The following KIAA1217 variants were observed in gnomAD, a reference collection of about 807,000 sequenced individuals.
KIAA1217 encodes the protein sickle tail protein homolog.
KIAA1217 carries 88 observed loss-of-function variants against 163.9 expected under a neutral mutation model. The observed-to-expected ratio is 0.54, with a 90% CI of 0.45 to 0.64. The LOEUF (loss-of-function observed/expected upper bound fraction) is 0.64, where lower values mean the gene tolerates loss of function less well. Ranked by LOEUF, KIAA1217 falls within the 30% of genes least tolerant of loss-of-function variation. The pLI, the probability that KIAA1217 is intolerant of heterozygous loss-of-function variation, is 0.00. For synonymous variants in KIAA1217, 903 were observed against 923.1 expected (o/e 0.98, Z 0.39); for missense variants, 2,372 against 2,475.0 (o/e 0.96, Z 0.88).
chr10:24,484,737 T>C (rs930825248), intron 6 of KIAA1217, among the ~76,000 whole-genome samples: 1 of 152,072 alleles, frequency 6.6e-6, no homozygotes, highest in African/African-American at 2.4e-5. Flanking sequence ...GAGGGACAAG[T>C]TCTGTGCAAT....
chr10:23,796,398 C>T (rs1318616609), intron 1 of KIAA1217, among the ~76,000 whole-genome samples: 1 of 152,046 alleles, frequency 6.6e-6, no homozygotes, highest in Non-Finnish European at 1.5e-5. Flanking sequence ...AAGTCTCACT[C>T]TGTCACCCAG....
chr10:23,983,573 G>A (rs1446573684), intron 1 of KIAA1217, among the ~76,000 whole-genome samples: 1 of 152,026 alleles, frequency 6.6e-6, no homozygotes, highest in Non-Finnish European at 1.5e-5. Flanking sequence ...CAAGGGAAGG[G>A]GGAATGGTGA....
At chr10:24,247,124 C>CTTT (rs10648557) in intron 2 of KIAA1217, among the ~76,000 whole-genome samples, 11,556 of 138,124 alleles carry the variant, frequency 0.084, 829 homozygotes, top group Admixed American at 0.18. Flanking sequence ...ATTTTCTTTT[C>CTTT]TTTTTTTTTT....
intron 2 of KIAA1217, among the ~76,000 whole-genome samples, chr10:24,170,463 T>C (rs757200819): frequency 2.8e-4 from 42 of 152,324 alleles, no homozygotes; most frequent in Non-Finnish European, 3.8e-4. Context: ...TTTTCCTGGC[T>C]GTGAAATATT....
rs962241677 is a variant in KIAA1217 at position 23,869,129 on chromosome 10, T to G, written c.-320-138096T>G. On this transcript the variant is annotated intron_variant, in intron 1 of 18. Coordinates refer to the KIAA1217 transcript ENST00000376462. The stretch of plus-strand genomic sequence containing the variant: ...ACGTGCAATCATGAAATGTAGTTTT[T>G]TTTTTTTTTTTTTTTTTTTTTTTTT... 2.4e-4 allele frequency among the ~76,000 whole-genome samples: 32 copies of G among 133,276 alleles called. 1 individual carries two copies. Among genetic ancestry groups the G allele is most frequent in the Admixed American group, 8.6e-4 (11 of 12,784 alleles). The allele number at this position is 133,276 out of a possible 152,430, so 87.4% of individuals were successfully genotyped here. A position where few individuals can be genotyped will look rare whatever the true frequency, so the allele number is the denominator to read the frequency against.
rs568220823 is a variant in KIAA1217 at position 23,698,484 on chromosome 10, G to C, written c.-321+3250G>C. On this transcript the variant is annotated intron_variant, in intron 1 of 18. Coordinates refer to the KIAA1217 transcript ENST00000376462. ...GCACTGTTAGATCAAATGACAATTT[G>C]AGTGAGTCTTGAAATTTGGCAAGAA... Among the ~76,000 whole-genome samples, 16 of 152,304 alleles carry C rather than the reference G, an allele frequency of 1.1e-4. No homozygotes were observed. In the East Asian group the frequency reaches 2.3e-3, roughly 22 times the overall value.
At chr10:23,767,590 TA>T (rs1355274034) in intron 1 of KIAA1217, among the ~76,000 whole-genome samples, 2 of 151,772 alleles carry the variant, frequency 1.3e-5, no homozygotes, top group Non-Finnish European at 2.9e-5. Flanking sequence ...AAAGAAAAAG[TA>T]AAAGGACATA....
chr10:24,069,855 T>C (rs989728795), intron 2 of KIAA1217, among the ~76,000 whole-genome samples: 3 of 152,218 alleles, frequency 2.0e-5, no homozygotes, highest in South Asian at 4.1e-4. Flanking sequence ...TTTCTCTTTT[T>C]GCAAGACAGA....
chr10:23,752,185 T>G (rs1171989394), intron 1 of KIAA1217, among the ~76,000 whole-genome samples: 1 of 152,220 alleles, frequency 6.6e-6, no homozygotes, highest in Non-Finnish European at 1.5e-5. Context: ...CTGTGAACAT[T>G]TTCATCAATT....
intron 2 of KIAA1217, among the ~76,000 whole-genome samples, chr10:24,161,282 A>G (rs541434339): frequency 1.3e-4 from 20 of 152,338 alleles, no homozygotes; most frequent in Admixed American, 3.3e-4. Flanking sequence ...GACCATCCAC[A>G]TTTCAAAAGA....
intron 2 of KIAA1217, among the ~76,000 whole-genome samples, chr10:24,057,303 CTT>C (rs1009282425): frequency 4.6e-4 from 70 of 152,188 alleles, no homozygotes; most frequent in African/African-American, 1.5e-3. Flanking sequence ...GATCTAGCCT[CTT>C]AACACATTTT....
chr10:24,039,292 C>A (rs1460805221), intron 2 of KIAA1217, among the ~76,000 whole-genome samples: 1 of 151,888 alleles, frequency 6.6e-6, no homozygotes, highest in Non-Finnish European at 1.5e-5. Flanking sequence ...TGTTGATATA[C>A]ACACAGTCCC....
intron 2 of KIAA1217, among the ~76,000 whole-genome samples, chr10:24,288,183 A>G (rs774420357): frequency 1.4e-4 from 22 of 152,074 alleles, no homozygotes; most frequent in Non-Finnish European, 2.5e-4. Context: ...TGTTTATTTG[A>G]AAGTTGTTGT....
chr10:24,223,396 C>A (rs1448122081), intron 2 of KIAA1217, among the ~76,000 whole-genome samples: 1 of 152,140 alleles, frequency 6.6e-6, no homozygotes, highest in Non-Finnish European at 1.5e-5. Context: ...CTCCTACCAC[C>A]CATTTCCTCT....
chr10:23,807,025 A>C (rs1426793193), intron 1 of KIAA1217, among the ~76,000 whole-genome samples: 3 of 152,220 alleles, frequency 2.0e-5, no homozygotes, highest in South Asian at 4.1e-4. Context: ...TCTCCTCAGC[A>C]GGCTGCTCCT....
chr10:23,972,771 G>A (rs201883124), intron 1 of KIAA1217, among the ~76,000 whole-genome samples: 2 of 151,986 alleles, frequency 1.3e-5, no homozygotes, highest in Non-Finnish European at 2.9e-5. Context: ...GGAATACTAT[G>A]TAGCCATGAA....
intron 2 of KIAA1217, among the ~76,000 whole-genome samples, chr10:24,125,926 G>A (rs1219843870): frequency 3.3e-5 from 5 of 152,104 alleles, no homozygotes; most frequent in South Asian, 2.1e-4. Flanking sequence ...ACTTGTTACC[G>A]CTTGGTAGCT....
At chr10:24,452,212 G>A (rs1186638729) in intron 5 of KIAA1217, among the ~76,000 whole-genome samples, 1 of 152,166 alleles carries the variant, frequency 6.6e-6, no homozygotes, top group Non-Finnish European at 1.5e-5. Flanking sequence ...GTTTGCAGAA[G>A]TCATAGATAC....
intron 2 of KIAA1217, among the ~76,000 whole-genome samples, chr10:24,304,128 CA>C (rs1348379573): frequency 1.9e-5 from 2 of 103,710 alleles, no homozygotes; most frequent in Non-Finnish European, 1.9e-5. Context: ...GAATCCTCCA[CA>C]TTTTTTTTTT....
Sources: allele counts gnomAD v4.1 joint callset (sites outside exome capture counted in the v4.1 genomes callset), GRCh38; gene constraint gnomAD v4.1.1; transcripts MANE v1.5; gene names NCBI Gene and HGNC (gene_info 2026-07-23, HGNC 2026-07-21).